Variants in VAV2 observed in about 807,000 individuals in gnomAD.
VAV2 encodes vav guanine nucleotide exchange factor 2, also known as guanine nucleotide exchange factor VAV2.
Under a neutral mutation model 132.5 loss-of-function variants are expected in VAV2, and 67 were observed. The observed-to-expected ratio is 0.51, with a 90% CI of 0.42 to 0.62. The LOEUF (loss-of-function observed/expected upper bound fraction) is 0.62. Among genes scored for constraint, VAV2 ranks in the 20% least tolerant of loss-of-function variants. The pLI, the probability that VAV2 is intolerant of heterozygous loss-of-function variation, is 0.00. For synonymous variants in VAV2, 492 were observed against 443.5 expected, an observed-to-expected ratio of 1.11 and a Z score of -1.37; for missense variants, 938 against 1,153.6, an observed-to-expected ratio of 0.81 and a Z score of 2.71.
intron 1 of VAV2, among the ~76,000 whole-genome samples, chr9:133,963,157 G>T (rs190515104): frequency 6.6e-6 from 1 of 152,150 alleles, no homozygotes; most frequent in African/African-American, 2.4e-5. Context: ...GCAGAACTCG[G>T]GGTCGAAGCT....
rs1160031897 is a variant in VAV2, at chr9:133,857,513, A to C, written c.380+3861T>G. 2.0e-5 allele frequency among the ~76,000 whole-genome samples: 3 copies of C among 152,206 alleles called. No homozygotes were observed. The highest frequency in any genetic ancestry group is 7.2e-5 in the African/African-American group (3 of 41,446). On this transcript the variant is annotated intron_variant, in intron 3 of 29. Coordinates refer to ENST00000371850, the MANE Select transcript of VAV2 (RefSeq NM_001134398.2). The surrounding 1 kb of genome is among the most constrained non-coding windows in gnomAD (Gnocchi z 4.0). Reference sequence around the variant, plus strand: ...CTCCTACCCAGCCATGAAATGAGGGAGAGATTCTTCAGGGCTGTGGGCTTG... The same window carrying C: ...CTCCTACCCAGCCATGAAATGAGGGCGAGATTCTTCAGGGCTGTGGGCTTG...
chr9:133,791,912 G>A, intron 12 of VAV2, 43 bp from the exon 13 acceptor site: 2 of 1,525,112 alleles, frequency 1.3e-6, no homozygotes, highest in Non-Finnish European at 1.8e-6. Context: ...TGCTGGGTGG[G>A]GTGTGTGTGA....
chr9:133,766,275 T>C (rs1321531016), intron 29 of VAV2, among the ~76,000 whole-genome samples: 1 of 152,218 alleles, frequency 6.6e-6, no homozygotes, highest in East Asian at 1.9e-4. Flanking sequence ...TAGTTTACAG[T>C]CCCATCAACA....
intron 19 of VAV2, among the ~76,000 whole-genome samples, chr9:133,781,173 TGAG>T (rs1286059336): frequency 6.6e-6 from 1 of 152,218 alleles, no homozygotes; most frequent in Non-Finnish European, 1.5e-5. Context: ...GGGCAAGTGA[TGAG>T]GAGGCATTGG....
chr9:133,947,025 A>G (rs1841383456), intron 1 of VAV2, among the ~76,000 whole-genome samples: 2 of 152,166 alleles, frequency 1.3e-5, no homozygotes, highest in African/African-American at 2.4e-5. Flanking sequence ...AAATGAATGA[A>G]TGTCTAGGAA....
intron 2 of VAV2, among the ~76,000 whole-genome samples, chr9:133,906,980 C>T (rs1298254755): frequency 6.6e-6 from 1 of 152,212 alleles, no homozygotes; most frequent in Admixed American, 6.5e-5. Flanking sequence ...CAGCGAGCCC[C>T]TCCGTGAGTG....
chr9:133,982,025 T>C (rs574956060), intron 1 of VAV2, among the ~76,000 whole-genome samples: 13 of 152,196 alleles, frequency 8.5e-5, no homozygotes, highest in Non-Finnish European at 1.8e-4. Context: ...TGCAACAAAC[T>C]GTGCGACCCG....
rs1263719277 is a variant in VAV2, at chr9:133,804,020, C to A, written c.836+2061G>T. On this transcript the variant is annotated intron_variant, in intron 9 of 29. Transcript: ENST00000371850. The surrounding 1 kb of genome is among the most constrained non-coding windows in gnomAD (Gnocchi z 4.5). ...GCTCTCCAGCAACGCCGCAGCTCCC[C>A]CCGGAGCTTCTCTATCTTGTCTTGG... 1.3e-5 allele frequency among the ~76,000 whole-genome samples: 2 copies of A among 152,122 alleles called. No homozygotes were observed. Among genetic ancestry groups the A allele is most frequent in the Non-Finnish European group, 2.9e-5 (2 of 68,032 alleles).
intron 1 of VAV2, among the ~76,000 whole-genome samples, chr9:133,975,139 A>G (rs1418190720): frequency 1.3e-5 from 2 of 152,172 alleles, no homozygotes; most frequent in East Asian, 3.9e-4. Flanking sequence ...GCCTCATTTC[A>G]TCAACTCCTA....
intron 2 of VAV2, among the ~76,000 whole-genome samples, chr9:133,892,251 G>A (rs1839007538): frequency 6.6e-6 from 1 of 151,566 alleles, no homozygotes; most frequent in Non-Finnish European, 1.5e-5. Flanking sequence ...GGTGCCAGTG[G>A]GAACAGGTGT....
intron 18 of VAV2, 26 bp downstream of exon 18, chr9:133,784,291 G>A: frequency 1.2e-6 from 2 of 1,608,702 alleles, no homozygotes; most frequent in Non-Finnish European, 1.7e-6. Context: ...AGCGAGGTGA[G>A]GGCTGTAGCA....
chr9:133,843,251 G>A (rs765437030), intron 3 of VAV2, among the ~76,000 whole-genome samples: 5 of 152,178 alleles, frequency 3.3e-5, no homozygotes, highest in Non-Finnish European at 1.5e-5. Context: ...GAGACAGCTC[G>A]GGGTGGCAGG....
chr9:133,862,778 C>T (rs1372460276), intron 2 of VAV2, among the ~76,000 whole-genome samples: 6 of 152,338 alleles, frequency 3.9e-5, no homozygotes, highest in East Asian at 1.9e-4. Flanking sequence ...AACCGAGGAT[C>T]GGTCACTTGC....
chr9:133,924,239 A>AACCTCCAATTCCC (rs1840393344), intron 2 of VAV2, among the ~76,000 whole-genome samples: 1 of 152,094 alleles, frequency 6.6e-6, no homozygotes, highest in Non-Finnish European at 1.5e-5. Context: ...CTGGAAGTGC[A>AACCTCCAATTCCC]GTGGTATATC....
At chr9:133,836,365 C>T (rs1836474222) in intron 3 of VAV2, among the ~76,000 whole-genome samples, 1 of 152,238 alleles carries the variant, frequency 6.6e-6, no homozygotes, top group Non-Finnish European at 1.5e-5. Context: ...CGCTCCCGCA[C>T]CAGCCCCTCG....
At position 133,963,341 on chromosome 9, in the gene VAV2, G is replaced by A. The variant is rs115726150; in HGVS notation, c.205-24122C>T. ...GAAACGCCACTGACCAGAACCAAGG[G>A]AGAGAGGGCACGGAGGCCATCAAGC... On this transcript the variant is annotated intron_variant, in intron 1 of 29. Transcript: ENST00000371850. 7.9e-3 allele frequency among the ~76,000 whole-genome samples: 1,200 copies of A among 152,290 alleles called. 14 individuals carry two copies. Among genetic ancestry groups the A allele is most frequent in the African/African-American group, 0.028 (1,160 of 41,560 alleles).
intron 3 of VAV2, among the ~76,000 whole-genome samples, chr9:133,838,392 T>G (rs1178045611): frequency 7.0e-6 from 1 of 142,588 alleles, no homozygotes; most frequent in Non-Finnish European, 1.5e-5. Context: ...GGGGGGTGGA[T>G]GGTTGGCTGG....
At chr9:133,820,895 G>C (rs2131731406) in intron 4 of VAV2, among the ~76,000 whole-genome samples, 1 of 152,316 alleles carries the variant, frequency 6.6e-6, no homozygotes, top group African/African-American at 2.4e-5. Context: ...GTTCTCACTA[G>C]ACATGAGCTT....
intron 2 of VAV2, among the ~76,000 whole-genome samples, chr9:133,866,667 G>T (rs1318358911): frequency 4.6e-5 from 7 of 152,100 alleles, no homozygotes; most frequent in Non-Finnish European, 4.4e-5. Flanking sequence ...TTAGCCGGGC[G>T]TGGTGGCACA....
Sources: gnomAD v4.1 joint callset for allele counts (sites outside exome capture counted in the v4.1 genomes callset) on GRCh38, gnomAD v4.1.1 for gene constraint, Gnocchi (gnomAD v3.1) non-coding constraint, MANE v1.5 for transcripts, NCBI Gene and HGNC (gene_info 2026-07-23, HGNC 2026-07-21) for gene names.